EIF2AK4: variants seen among roughly 807,000 people sequenced by gnomAD.
EIF2AK4 encodes eIF-2-alpha kinase GCN2.
Under a neutral mutation model 211.1 loss-of-function variants are expected in EIF2AK4, and 139 were observed. The ratio of observed to expected loss-of-function variants is 0.66; its 90% CI spans 0.57 to 0.76. The LOEUF (loss-of-function observed/expected upper bound fraction) is 0.76, where lower values mean the gene tolerates loss of function less well. Ranked by LOEUF, EIF2AK4 falls within the 30% of genes least tolerant of loss-of-function variation. The pLI, the probability that EIF2AK4 is intolerant of heterozygous loss-of-function variation, is 0.00. For missense variants in EIF2AK4, 1,664 were observed against 2,043.8 expected, an observed-to-expected ratio of 0.81 and a Z score of 3.58; for synonymous variants, 710 against 751.3, an observed-to-expected ratio of 0.94 and a Z score of 0.90.
chr15:39,934,844 C>T lies in EIF2AK4; in HGVS notation c.144+505C>T, dbSNP rs371935917. ...CCTCTGTACTCCCCAGGCATCCTCA[C>T]TGTGTTTTCCGGTATGGAGGAACTT... On this transcript the variant is annotated intron_variant, in intron 1 of 38. Transcript: ENST00000263791. Among the ~76,000 whole-genome samples, 9 of 152,350 alleles carry T rather than the reference C, an allele frequency of 5.9e-5. No individual in the cohort carries two copies. The East Asian group carries it at 1.7e-3, about 29-fold the overall frequency.
chr15:39,976,985 C>G (rs2140919023), intron 12 of EIF2AK4, 141 bp downstream of exon 12: 1 of 1,126,300 alleles, frequency 8.9e-7, no homozygotes, highest in Non-Finnish European at 1.2e-6. Flanking sequence ...GGGTCTTGCT[C>G]TGTCACCCAG....
At chr15:39,998,877 T>C in intron 20 of EIF2AK4, 93 bp downstream of exon 20, 1 of 1,062,498 alleles carries the variant, frequency 9.4e-7, no homozygotes, top group Non-Finnish European at 1.4e-6. Context: ...CTGCCACTCA[T>C]TCTCTTGTGT....
At chr15:39,955,564 G>T (rs964553308) in intron 5 of EIF2AK4, 56 bp from the exon 6 acceptor site, 43 of 1,531,558 alleles carry the variant, frequency 2.8e-5, no homozygotes, top group Non-Finnish European at 3.5e-5. Context: ...TATGTACCAT[G>T]ATTTTCTTCC....
At chr15:39,997,787 G>A (rs1392713428) in intron 19 of EIF2AK4, among the ~76,000 whole-genome samples, 2 of 152,304 alleles carry the variant, frequency 1.3e-5, no homozygotes, top group East Asian at 1.9e-4. Flanking sequence ...TTACATGTGC[G>A]AGGTCAGAGA....
chr15:40,019,481 C>T (rs1013037448), intron 30 of EIF2AK4, among the ~76,000 whole-genome samples: 1 of 152,138 alleles, frequency 6.6e-6, no homozygotes, highest in Non-Finnish European at 1.5e-5. Flanking sequence ...CGAACCGGGC[C>T]GCACAGCAGG....
chr15:40,030,222 A>T (rs1054951701), intron 34 of EIF2AK4, 137 bp from the exon 35 acceptor site: 4 of 845,790 alleles, frequency 4.7e-6, no homozygotes, highest in Non-Finnish European at 7.3e-6. Context: ...GTAGGGATAG[A>T]AAACACAGCC....
intron 27 of EIF2AK4, among the ~76,000 whole-genome samples, chr15:40,011,849 C>A (rs1285194272): frequency 6.6e-6 from 1 of 152,160 alleles, no homozygotes; most frequent in Admixed American, 6.5e-5. Flanking sequence ...TTGATCCCAT[C>A]ATCAATAAGG....
intron 33 of EIF2AK4, among the ~76,000 whole-genome samples, chr15:40,028,873 C>G (rs1189165477): frequency 1.3e-5 from 2 of 152,200 alleles, no homozygotes; most frequent in African/African-American, 4.8e-5. Context: ...AGTTTTTCCT[C>G]CAGCAAATGA....
intron 4 of EIF2AK4, among the ~76,000 whole-genome samples, chr15:39,953,195 AT>A (rs999080564): frequency 3.9e-5 from 6 of 152,154 alleles, no homozygotes. Context: ...GCTAATTTTT[AT>A]TAGAAGATAG....
rs2035115669 is a variant in EIF2AK4 at position 40,003,180 on chromosome 15, T to C, written c.3236-13T>C. ...GAACCTGATGATGAGCTATTTTTTC[T>C]CATTTGGTGTAGGAGCTGTTCAGTT... On this transcript the variant is annotated splice_polypyrimidine_tract_variant and intron_variant, in intron 22 of 38. Coordinates refer to ENST00000263791, the MANE Select transcript of EIF2AK4 (RefSeq NM_001013703.4). 1 of 1,612,322 alleles carries C rather than the reference T, an allele frequency of 6.2e-7. No individual in the cohort carries two copies. The highest frequency in any genetic ancestry group is 1.3e-5 in the African/African-American group (1 of 74,842).
intron 19 of EIF2AK4, among the ~76,000 whole-genome samples, chr15:39,997,852 G>C (rs1259615366): frequency 6.6e-6 from 1 of 152,068 alleles, no homozygotes; most frequent in Non-Finnish European, 1.5e-5. Context: ...TTGGGTGAGA[G>C]TGATTTAAAT....
Position 39,967,770 on chromosome 15 carries a change from T to C in EIF2AK4, c.1444T>C (p.Trp482Arg). The C allele has an allele frequency of 6.2e-7, 1 of 1,614,258 alleles. No homozygotes were observed. The highest frequency in any genetic ancestry group is 8.5e-7 in the Non-Finnish European group (1 of 1,180,044). Residue 482 changes from tryptophan to arginine, a missense_variant, in exon 9 of 39, where the codon TGG becomes CGG. By Grantham distance (101) the Trp-to-Arg change is moderately radical. This residue lies in a region of EIF2AK4 where 641 missense variants were observed against 729.6 expected (regional missense o/e 0.88). Transcript: ENST00000263791. Reference protein sequence around the residue: ...PYKTGKKGDVWRLGLLLLSLS... With the variant: ...PYKTGKKGDVRRLGLLLLSLS... ...TAAAACGGGGAAGAAAGGAGATGTT[T>C]GGCGTCTTGGCCTTCTGCTGCTGTC...
chr15:39,965,933 T>C, intron 8 of EIF2AK4, 90 bp downstream of exon 8: 1 of 1,519,324 alleles, frequency 6.6e-7, no homozygotes, highest in Non-Finnish European at 8.8e-7. Context: ...TTGTTTGCCC[T>C]GCAGAGATGG....
At chr15:39,982,653 G>C (rs1187307825) in intron 13 of EIF2AK4, among the ~76,000 whole-genome samples, 1 of 151,346 alleles carries the variant, frequency 6.6e-6, no homozygotes, top group Non-Finnish European at 1.5e-5. Flanking sequence ...CCATTAACTT[G>C]TCATCTACAT....
chr15:39,938,330 C>T (rs992372322), intron 1 of EIF2AK4, among the ~76,000 whole-genome samples: 9 of 152,126 alleles, frequency 5.9e-5, no homozygotes, highest in East Asian at 1.9e-4. Context: ...AGACCACATT[C>T]GCAGAATTAT....
Position 39,946,758 on chromosome 15 carries a change from C to A in EIF2AK4, c.361-2358C>A, listed in dbSNP as rs980886535. 10 of 666,238 alleles carry A rather than the reference C, an allele frequency of 1.5e-5. No homozygotes were observed. In the Admixed American group the frequency reaches 1.7e-4, roughly 11 times the overall value. The allele number at this position is 666,238 out of a possible 1,614,324, so 41.3% of individuals were successfully genotyped here. A position where few individuals can be genotyped will look rare whatever the true frequency, so the allele number is the denominator to read the frequency against. On this transcript the variant is annotated intron_variant, in intron 3 of 38. Coordinates refer to ENST00000263791, the MANE Select transcript of EIF2AK4 (RefSeq NM_001013703.4). ...TAAGAAATTGCCGCAACCACCCCAGCCTTCACCAGCCACCACCTTGATCAG... is the reference window on the plus strand; with the variant it reads ...TAAGAAATTGCCGCAACCACCCCAGACTTCACCAGCCACCACCTTGATCAG...
At chr15:39,966,678 G>T (rs1268344597) in intron 8 of EIF2AK4, among the ~76,000 whole-genome samples, 1 of 152,168 alleles carries the variant, frequency 6.6e-6, no homozygotes. Context: ...AAAGCATGGT[G>T]TTCAGAAATG....
In EIF2AK4 at chr15:39,976,666, G is replaced by C. The variant is rs759686079; in HGVS notation, c.2071G>C (p.Asp691His). ...ACGCGGGCAGCCGGCGAGCGACACA[G>C]ACGGCCTGGACAGCGTAGAGGCCGC... ...AARGQPASDT[D>H]GLDSVEAAAP... Residue 691 changes from aspartate (D) to histidine (H), a missense_variant, in exon 12 of 39, where the codon GAC (aspartate) becomes CAC (histidine). Around this residue, in one of 7 missense-constraint regions of EIF2AK4, gnomAD observed 206 missense variants for 201.9 expected, o/e 1.02. Transcript: ENST00000263791. 1.2e-6 allele frequency: 2 copies of C among 1,604,060 alleles called. No individual in the cohort carries two copies. The highest frequency in any genetic ancestry group is 2.2e-5 in the South Asian group (2 of 90,536).
At chr15:39,990,973 G>A (rs1345957775) in intron 16 of EIF2AK4, among the ~76,000 whole-genome samples, 2 of 152,200 alleles carry the variant, frequency 1.3e-5, no homozygotes, top group Admixed American at 6.5e-5. Context: ...GAAACTGTGA[G>A]GTGCAGGGGA....
Sources: allele counts gnomAD v4.1 joint callset (sites outside exome capture counted in the v4.1 genomes callset), GRCh38; gene constraint gnomAD v4.1.1; regional missense constraint gnomAD v4.1.1; transcripts MANE v1.5; gene names NCBI Gene and HGNC (gene_info 2026-07-23, HGNC 2026-07-21).